The following AFF2 variants were observed in gnomAD, a reference collection of about 807,000 sequenced individuals.
AFF2 encodes AF4/FMR2 family member 2.
In AFF2, 14 loss-of-function variants were observed where a neutral mutation model predicts 76.9. That is an observed-to-expected ratio of 0.18 (90% CI 0.12 to 0.28). AFF2 has a LOEUF of 0.28. Among genes scored for constraint, AFF2 ranks in the 10% least tolerant of loss-of-function variants. The probability of loss-of-function intolerance (pLI) is 1.00; values close to 1 mark genes in which losing one functional copy is unlikely to be tolerated. For missense variants in AFF2, 868 were observed against 1,001.1 expected, an observed-to-expected ratio of 0.87 and a Z score of 1.79; for synonymous variants, 398 against 366.7, an observed-to-expected ratio of 1.09 and a Z score of -0.98.
intron 1 of AFF2, among the ~76,000 whole-genome samples, chrX:148,511,658 A>T (rs1310802602): frequency 2.7e-5 from 3 of 112,778 alleles, no homozygotes; most frequent in Non-Finnish European, 5.6e-5. Flanking sequence ...ACCCTAAAAA[A>T]TAAGGGTTTT....
At chrX:148,778,094 C>A (rs146668292) in intron 3 of AFF2, among the ~76,000 whole-genome samples, 2 of 111,914 alleles carry the variant, frequency 1.8e-5, no homozygotes, top group East Asian at 5.6e-4. Context: ...GCCTTTTCTG[C>A]ATCTATGGAG....
chrX:148,558,207 C>T (rs2053072899), intron 1 of AFF2, among the ~76,000 whole-genome samples: 1 of 111,751 alleles, frequency 8.9e-6, no homozygotes, highest in Non-Finnish European at 1.9e-5. Context: ...TTCTCCAGCC[C>T]TCACTTGGTT....
At chrX:148,894,273 C>G (rs1378874000) in intron 8 of AFF2, among the ~76,000 whole-genome samples, 3 of 111,742 alleles carry the variant, frequency 2.7e-5, no homozygotes, top group Non-Finnish European at 5.6e-5. Flanking sequence ...GAATGCTTAA[C>G]TCTACCCCCT....
intron 3 of AFF2, among the ~76,000 whole-genome samples, chrX:148,787,349 C>T (rs2124619158): frequency 9.0e-6 from 1 of 111,000 alleles, no homozygotes; most frequent in East Asian, 2.8e-4. Flanking sequence ...TGTATACATA[C>T]GTTTATTTGG....
intron 8 of AFF2, among the ~76,000 whole-genome samples, chrX:148,893,931 C>T (rs1447238242): frequency 9.0e-6 from 1 of 111,592 alleles, no homozygotes; most frequent in African/African-American, 3.3e-5. Flanking sequence ...GTCCTTTCTT[C>T]ACTCAAACCC....
At chrX:148,535,607 TTTA>T (rs1183322028) in intron 1 of AFF2, among the ~76,000 whole-genome samples, 1 of 112,681 alleles carries the variant, frequency 8.9e-6, no homozygotes, top group African/African-American at 3.2e-5. Context: ...AGAAATATTT[TTTA>T]TTATTTTTCT....
chrX:148,867,186 C>G (rs2070917235), intron 7 of AFF2, among the ~76,000 whole-genome samples: 1 of 112,666 alleles, frequency 8.9e-6, no homozygotes. Flanking sequence ...CAGAGTTGTC[C>G]CACATTGAGG....
At chrX:148,899,385 T>C (rs1457767039) in intron 8 of AFF2, among the ~76,000 whole-genome samples, 3 of 112,168 alleles carry the variant, frequency 2.7e-5, no homozygotes, top group Non-Finnish European at 3.8e-5. Context: ...CATTTGTTAA[T>C]GGAAGAGTTT....
chrX:148,918,767 G>A (rs1203680556), intron 9 of AFF2, among the ~76,000 whole-genome samples: 1 of 111,930 alleles, frequency 8.9e-6, no homozygotes, highest in African/African-American at 3.2e-5. Flanking sequence ...CTAGAGGACA[G>A]ATACTCAAAA....
At chrX:148,550,304 G>T (rs2052975453) in intron 1 of AFF2, among the ~76,000 whole-genome samples, 1 of 111,919 alleles carries the variant, frequency 8.9e-6, no homozygotes, top group African/African-American at 3.2e-5. Flanking sequence ...CCACAGATTT[G>T]TTTATACAGA....
intron 9 of AFF2, among the ~76,000 whole-genome samples, chrX:148,907,901 C>A (rs782790736): frequency 3.6e-5 from 4 of 110,068 alleles, no homozygotes; most frequent in African/African-American, 1.3e-4. Context: ...CAGCTGCAAC[C>A]GTAAAAGATA....
intron 3 of AFF2, among the ~76,000 whole-genome samples, chrX:148,753,132 G>A (rs993183566): frequency 9.0e-6 from 1 of 111,355 alleles, no homozygotes; most frequent in Non-Finnish European, 1.9e-5. Flanking sequence ...TGTGGGGGAG[G>A]AAATAGGATT....
intron 4 of AFF2, among the ~76,000 whole-genome samples, chrX:148,818,449 A>G (rs2070291697): frequency 8.9e-6 from 1 of 112,028 alleles, no homozygotes; most frequent in African/African-American, 3.2e-5. Context: ...AAGGCATACA[A>G]TTCCTGAAAA....
chrX:148,839,218 A>G (rs1302667918), intron 5 of AFF2, among the ~76,000 whole-genome samples: 2 of 112,507 alleles, frequency 1.8e-5, no homozygotes, highest in Non-Finnish European at 1.9e-5. Context: ...TCTGCCAATT[A>G]TCTGTGCTAC....
intron 7 of AFF2, among the ~76,000 whole-genome samples, chrX:148,847,903 C>T (rs1557274909): frequency 8.9e-6 from 1 of 111,966 alleles, no homozygotes; most frequent in Non-Finnish European, 1.9e-5. Context: ...AATAACAGTC[C>T]TTCCTCCTGA....
chrX:148,920,198 C>T (rs1435196204), intron 9 of AFF2, among the ~76,000 whole-genome samples: 1 of 111,435 alleles, frequency 9.0e-6, no homozygotes, highest in Non-Finnish European at 1.9e-5. Flanking sequence ...TAGAACTCCC[C>T]CAGGCTTTTT....
At chrX:148,642,363 T>C (rs184980973) in intron 1 of AFF2, among the ~76,000 whole-genome samples, 7 of 112,824 alleles carry the variant, frequency 6.2e-5, no homozygotes, top group African/African-American at 2.3e-4. Flanking sequence ...TAATTAAGAA[T>C]ACTATTTCTG....
At chrX:148,806,325 T>C (rs1339460583) in intron 3 of AFF2, among the ~76,000 whole-genome samples, 1 of 112,272 alleles carries the variant, frequency 8.9e-6, no homozygotes, top group Non-Finnish European at 1.9e-5. Flanking sequence ...GCTCAGTGAC[T>C]GAAGTGGCCT....
intron 8 of AFF2, among the ~76,000 whole-genome samples, chrX:148,896,419 G>C (rs191457166): frequency 4.5e-5 from 5 of 111,833 alleles, no homozygotes; most frequent in Non-Finnish European, 9.4e-5. Context: ...AAAGATGAAG[G>C]AGAAGACATC....
Sources: gnomAD v4.1 joint callset for allele counts (sites outside exome capture counted in the v4.1 genomes callset) on GRCh38, gnomAD v4.1.1 for gene constraint, MANE v1.5 for transcripts, NCBI Gene and HGNC (gene_info 2026-07-23, HGNC 2026-07-21) for gene names.